Variants in SPTLC1 observed in about 807,000 individuals in gnomAD.
SPTLC1 encodes the protein serine palmitoyltransferase 1.
A neutral mutation model predicts 68.9 loss-of-function variants in SPTLC1; 55 were observed. The observed-to-expected ratio is 0.80, with a 90% confidence interval of 0.64 to 1.00. SPTLC1 has a LOEUF of 1.00. Among genes scored for constraint, SPTLC1 ranks in the 50% least tolerant of loss-of-function variants. SPTLC1 has a pLI of 0.00. For missense variants in SPTLC1, 449 were observed against 573.1 expected (o/e 0.78, Z 2.21); for synonymous variants, 197 against 201.6 (o/e 0.98, Z 0.19).
rs1832979807 is a variant in SPTLC1, at chr9:92,032,011, C to T, written c.*454G>A. 2.7e-5 allele frequency: 10 copies of T among 367,090 alleles called. 1 individual carries two copies. In the South Asian group the frequency reaches 7.6e-4, roughly 28 times the overall value. The allele number at this position is 367,090 out of a possible 1,614,324, so 22.7% of individuals were successfully genotyped here. A position where few individuals can be genotyped will look rare whatever the true frequency, so the allele number is the denominator to read the frequency against. ...TTTAGATCTTCAATATAAATTTGTA[C>T]CACATATGTTGAAGTGTTCCTCTTA... is the stretch of plus-strand genomic sequence containing the variant. On this transcript the variant is annotated 3_prime_UTR_variant, in exon 15 of 15. Coordinates refer to ENST00000262554, the MANE Select transcript of SPTLC1 (RefSeq NM_006415.4).
At chr9:92,091,341 G>A (rs1206290011) in intron 3 of SPTLC1, among the ~76,000 whole-genome samples, 1 of 152,084 alleles carries the variant, frequency 6.6e-6, no homozygotes, top group African/African-American at 2.4e-5. Context: ...AAATTTTGAG[G>A]GATAGCAACA....
At chr9:92,072,994 C>G in intron 5 of SPTLC1, among the ~76,000 whole-genome samples, 1 of 151,280 alleles carries the variant, frequency 6.6e-6, no homozygotes, top group Non-Finnish European at 1.5e-5. Context: ...AATTCCCCCT[C>G]AGAACCGAGT....
chr9:92,073,774 C>T (rs961867222), intron 5 of SPTLC1, among the ~76,000 whole-genome samples: 5 of 152,220 alleles, frequency 3.3e-5, no homozygotes, highest in African/African-American at 9.6e-5. Context: ...GGCGGCAGCG[C>T]GCCTTTCAGA....
At chr9:92,034,762 G>C in intron 14 of SPTLC1, 48 bp downstream of exon 14, 1 of 1,501,380 alleles carries the variant, frequency 6.7e-7, no homozygotes, top group Non-Finnish European at 9.3e-7. Context: ...ATTTCATAGA[G>C]CTCAGAGTAG....
chr9:92,044,566 G>A (rs905751299), intron 12 of SPTLC1, among the ~76,000 whole-genome samples: 1 of 152,196 alleles, frequency 6.6e-6, no homozygotes, highest in African/African-American at 2.4e-5. Flanking sequence ...CAAAGACATG[G>A]GGAGTTGCAG....
At chr9:92,097,147 C>T (rs1426663282) in intron 3 of SPTLC1, among the ~76,000 whole-genome samples, 2 of 152,094 alleles carry the variant, frequency 1.3e-5, no homozygotes, top group Non-Finnish European at 2.9e-5. Flanking sequence ...AGGATGGCTA[C>T]AATAAAATAG....
intron 3 of SPTLC1, among the ~76,000 whole-genome samples, chr9:92,081,241 C>T (rs1442439121): frequency 2.0e-5 from 3 of 152,020 alleles, no homozygotes; most frequent in South Asian, 2.1e-4. Flanking sequence ...ATCTTAAATG[C>T]TTTGGTTTTA....
chr9:92,106,336 T>C (rs1338011898), intron 3 of SPTLC1, among the ~76,000 whole-genome samples: 1 of 151,938 alleles, frequency 6.6e-6, no homozygotes, highest in East Asian at 1.9e-4. Flanking sequence ...TAGGCAGGCA[T>C]GGTGGCTTGT....
At chr9:92,094,076 G>A (rs954665276) in intron 3 of SPTLC1, among the ~76,000 whole-genome samples, 7 of 152,178 alleles carry the variant, frequency 4.6e-5, no homozygotes, top group African/African-American at 1.7e-4. Flanking sequence ...AACAAAATGT[G>A]GAAGAATGTC....
chr9:92,046,021 G>A lies in SPTLC1; in HGVS notation c.1114C>T (p.Gln372Ter), dbSNP rs1833501851. ...IFAVLKEKCG[Q>*]IHKALQGISG... ...CACCCTTGTAAAGCTTTATGAATTT[G>A]TCCGCACTTTTCCTTCAACACTGCA... is the stretch of plus-strand genomic sequence containing the variant. Residue 372 changes from glutamine to a stop codon, truncating the protein, a stop_gained, in exon 12 of 15, where the codon CAA becomes TAA. Transcript: ENST00000262554. LOFTEE classifies it high-confidence loss of function. 1 of 1,613,362 alleles carries A rather than the reference G, an allele frequency of 6.2e-7. No homozygotes were observed. Among genetic ancestry groups the A allele is most frequent in the African/African-American group, 1.3e-5 (1 of 74,852 alleles).
chr9:92,080,896 C>A lies in SPTLC1; in HGVS notation c.328G>T (p.Gly110Ter). Residue 110 changes from glycine to a stop codon, truncating the protein, a stop_gained, in exon 4 of 15, where the codon GGA becomes TGA. Coordinates refer to ENST00000262554, the MANE Select transcript of SPTLC1 (RefSeq NM_006415.4). LOFTEE classifies it high-confidence loss of function. ...CINFASFNFL[G>*]LLDNPRVKAA... ...TTAACCCTAGGGTTATCCAACAATCCAAGAAAATTAAATGAGGCGAAGTTT... is the reference window on the plus strand; with the variant it reads ...TTAACCCTAGGGTTATCCAACAATCAAAGAAAATTAAATGAGGCGAAGTTT... 1.2e-6 allele frequency: 2 copies of A among 1,614,042 alleles called. No individual in the cohort carries two copies. Among genetic ancestry groups the A allele is most frequent in the Non-Finnish European group, 1.7e-6 (2 of 1,179,942 alleles).
intron 3 of SPTLC1, among the ~76,000 whole-genome samples, chr9:92,098,406 G>A (rs906995595): frequency 6.6e-6 from 1 of 151,026 alleles, no homozygotes; most frequent in Non-Finnish European, 1.5e-5. Flanking sequence ...AACCTCGCCC[G>A]AGAGCTCAGT....
chr9:92,089,132 T>C (rs1272011802), intron 3 of SPTLC1, among the ~76,000 whole-genome samples: 2 of 152,118 alleles, frequency 1.3e-5, no homozygotes, highest in African/African-American at 4.8e-5. Context: ...CAGGCTGGGC[T>C]GGGCGTGGTG....
At chr9:92,108,490 T>C (rs1248456457) in intron 3 of SPTLC1, 8 of 442,954 alleles carry the variant, frequency 1.8e-5, no homozygotes, top group Middle Eastern at 6.9e-4. Flanking sequence ...GTTCGACCAT[T>C]GGAAATATTA....
chr9:92,069,020 G>C (rs548371765), intron 5 of SPTLC1, among the ~76,000 whole-genome samples: 1 of 152,306 alleles, frequency 6.6e-6, no homozygotes, highest in South Asian at 2.1e-4. Context: ...CCTGTGTGGA[G>C]AGCGCTCGAA....
At chr9:92,088,378 C>T (rs1023981090) in intron 3 of SPTLC1, among the ~76,000 whole-genome samples, 7 of 152,248 alleles carry the variant, frequency 4.6e-5, no homozygotes, top group Non-Finnish European at 8.8e-5. Context: ...TGTTCCTATT[C>T]GGCTATCTTG....
chr9:92,061,768 T>C (rs1172880040), intron 6 of SPTLC1, among the ~76,000 whole-genome samples: 4 of 152,198 alleles, frequency 2.6e-5, no homozygotes, highest in Non-Finnish European at 5.9e-5. Flanking sequence ...TACACTTGAA[T>C]TGGTACAATG....
rs1351692552 is a variant in SPTLC1 at position 92,049,994 on chromosome 9, T to C, written c.854A>G (p.His285Arg). 8 of 1,613,612 alleles carry C rather than the reference T, an allele frequency of 5.0e-6. No homozygotes were observed. Among genetic ancestry groups the C allele is most frequent in the South Asian group, 3.3e-5 (3 of 91,086 alleles). Residue 285 changes from histidine (H) to arginine (R), a missense_variant, in exon 9 of 15, where the codon CAT (histidine) becomes CGT (arginine). This residue lies in a region of SPTLC1 where 391 missense variants were observed against 472.1 expected (regional missense o/e 0.83). Coordinates refer to ENST00000262554, the MANE Select transcript of SPTLC1 (RefSeq NM_006415.4). ...ATAGTGTTCAGTGACTCCTCGGCCATGCTCTCCTAGGACTCCAAATGAAAG... is the reference window on the plus strand; with the variant it reads ...ATAGTGTTCAGTGACTCCTCGGCCACGCTCTCCTAGGACTCCAAATGAAAG... ...ESLSFGVLGE[H>R]GRGVTEHYGI... is the part of the protein sequence containing the mutation.
intron 12 of SPTLC1, among the ~76,000 whole-genome samples, chr9:92,045,548 AAAAAC>A (rs1174882740): frequency 2.1e-5 from 3 of 145,284 alleles, no homozygotes; most frequent in African/African-American, 5.0e-5. Context: ...AAAAAAAAAA[AAAAAC>A]ACTGATAAAA....
Sources: allele counts gnomAD v4.1 joint callset (sites outside exome capture counted in the v4.1 genomes callset), GRCh38; gene constraint gnomAD v4.1.1; regional missense constraint gnomAD v4.1.1; transcripts MANE v1.5; gene names NCBI Gene and HGNC (gene_info 2026-07-23, HGNC 2026-07-21).